The following GRM7 variants were observed in gnomAD, a reference collection of about 807,000 sequenced individuals.
GRM7 encodes glutamate metabotropic receptor 7.
Under a neutral mutation model 84.5 loss-of-function variants are expected in GRM7, and 35 were observed. The observed-to-expected ratio is 0.41, with a 90% confidence interval of 0.32 to 0.55. The LOEUF is 0.55. Among genes scored for constraint, GRM7 ranks in the 20% least tolerant of loss-of-function variants. The pLI, the probability that GRM7 is intolerant of heterozygous loss-of-function variation, is 0.19. For synonymous variants in GRM7, 487 were observed against 455.1 expected (o/e 1.07, Z -0.89); for missense variants, 1,003 against 1,194.6 (o/e 0.84, Z 2.36).
intron 4 of GRM7, among the ~76,000 whole-genome samples, chr3:7,330,432 ACTTC>A (rs1317145914): frequency 6.6e-6 from 1 of 152,024 alleles, no homozygotes; most frequent in Admixed American, 6.6e-5. Flanking sequence ...ATACAGGCTT[ACTTC>A]CTTTCTTTCC....
intron 1 of GRM7, among the ~76,000 whole-genome samples, chr3:7,083,176 C>G (rs1397412522): frequency 6.6e-6 from 1 of 152,014 alleles, no homozygotes; most frequent in Non-Finnish European, 1.5e-5. Context: ...TCACTGTTGC[C>G]TTAGTTTAGG....
intron 4 of GRM7, among the ~76,000 whole-genome samples, chr3:7,405,615 A>T (rs879828240): frequency 2.6e-5 from 4 of 152,308 alleles, no homozygotes; most frequent in Admixed American, 2.6e-4. Context: ...AGGTGTGTTT[A>T]GAAATAGGAA....
At chr3:7,246,902 A>T (rs1002646257) in intron 2 of GRM7, among the ~76,000 whole-genome samples, 1 of 152,186 alleles carries the variant, frequency 6.6e-6, no homozygotes, top group African/African-American at 2.4e-5. Context: ...TTACAGTACT[A>T]GATTTCAAAA....
Position 6,926,855 on chromosome 3 carries a change from C to T in GRM7, c.519+64948C>T, listed in dbSNP as rs189690846. 1.6e-4 allele frequency among the ~76,000 whole-genome samples: 24 copies of T among 152,252 alleles called. No individual in the cohort carries two copies. The East Asian group carries it at 2.9e-3, about 18-fold the overall frequency. On this transcript the variant is annotated intron_variant, in intron 1 of 9. Coordinates refer to ENST00000357716, the MANE Select transcript of GRM7 (RefSeq NM_000844.4). ...ATTTTCCGTTTTGTGAATAGAGTTG[C>T]GGCAAACATCTTTGTACAACATATT...
At chr3:6,932,450 A>T (rs1169781760) in intron 1 of GRM7, among the ~76,000 whole-genome samples, 1 of 152,180 alleles carries the variant, frequency 6.6e-6, no homozygotes, top group Non-Finnish European at 1.5e-5. Flanking sequence ...CATTTCTTAT[A>T]GTTTGGGGAC....
At chr3:7,060,726 C>A (rs1175764773) in intron 1 of GRM7, among the ~76,000 whole-genome samples, 2 of 140,854 alleles carry the variant, frequency 1.4e-5, no homozygotes, top group Non-Finnish European at 3.1e-5. Context: ...ATGCATGTTT[C>A]TTTAACGCCT....
chr3:7,459,530 G>A (rs1364477765), intron 6 of GRM7, among the ~76,000 whole-genome samples: 8 of 152,196 alleles, frequency 5.3e-5, no homozygotes, highest in Non-Finnish European at 1.0e-4. Context: ...CTCACAATTA[G>A]GGTGGAAGAC....
chr3:7,497,135 C>G (rs1699735010), intron 7 of GRM7, among the ~76,000 whole-genome samples: 1 of 151,942 alleles, frequency 6.6e-6, no homozygotes, highest in South Asian at 2.1e-4. Flanking sequence ...CATGAAGTGG[C>G]TCTCTTGGTC....
intron 1 of GRM7, among the ~76,000 whole-genome samples, chr3:6,930,002 A>T (rs552650693): frequency 6.6e-6 from 1 of 152,298 alleles, no homozygotes; most frequent in South Asian, 2.1e-4. Context: ...CCCAACCCAT[A>T]TGTGGCTGTG....
intron 1 of GRM7, among the ~76,000 whole-genome samples, chr3:7,025,069 G>C (rs1695929695): frequency 6.6e-6 from 1 of 152,068 alleles, no homozygotes; most frequent in South Asian, 2.1e-4. Context: ...TAGCTCATGG[G>C]CCTCTGTTTG....
chr3:6,954,176 G>A (rs1692919998), intron 1 of GRM7, among the ~76,000 whole-genome samples: 1 of 152,114 alleles, frequency 6.6e-6, no homozygotes, highest in African/African-American at 2.4e-5. Flanking sequence ...ATCAAGTCAG[G>A]ATATTCAGGG....
intron 1 of GRM7, among the ~76,000 whole-genome samples, chr3:6,979,096 A>G (rs1694103507): frequency 6.6e-6 from 1 of 152,166 alleles, no homozygotes; most frequent in East Asian, 1.9e-4. Flanking sequence ...TTCATTGATC[A>G]GTAAGTATCG....
intron 9 of GRM7, among the ~76,000 whole-genome samples, chr3:7,712,751 C>G (rs772912585): frequency 1.3e-5 from 2 of 151,984 alleles, no homozygotes; most frequent in Admixed American, 6.6e-5. Context: ...CCTGTGTTAC[C>G]TAAAGAAAGT....
intron 1 of GRM7, among the ~76,000 whole-genome samples, chr3:7,139,207 G>C (rs1437200517): frequency 6.6e-6 from 1 of 150,646 alleles, no homozygotes; most frequent in Non-Finnish European, 1.5e-5. Flanking sequence ...GAGAAAGAAA[G>C]AACACCACAG....
At chr3:7,397,886 CAG>C (rs1388537857) in intron 4 of GRM7, among the ~76,000 whole-genome samples, 1 of 152,026 alleles carries the variant, frequency 6.6e-6, no homozygotes, top group Non-Finnish European at 1.5e-5. Flanking sequence ...ATCCCCAGAA[CAG>C]AGTTTTCTGG....
At chr3:7,714,256 G>T (rs1476864533) in intron 9 of GRM7, among the ~76,000 whole-genome samples, 2 of 152,106 alleles carry the variant, frequency 1.3e-5, no homozygotes, top group African/African-American at 4.8e-5. Flanking sequence ...CTAGTAAAGA[G>T]TAGGACAACT....
At chr3:7,727,065 A>T (rs576316959) in intron 9 of GRM7, among the ~76,000 whole-genome samples, 1 of 152,188 alleles carries the variant, frequency 6.6e-6, no homozygotes, top group South Asian at 2.1e-4. Flanking sequence ...AGTTTTAATT[A>T]CAGAATACTC....
At chr3:7,698,899 A>T (rs1701118377) in intron 9 of GRM7, among the ~76,000 whole-genome samples, 2 of 152,156 alleles carry the variant, frequency 1.3e-5, no homozygotes, top group South Asian at 4.1e-4. Context: ...AGCTATGGGA[A>T]TGTACTCTAT....
rs1024695571 is a variant in GRM7, at chr3:6,863,337, A to G, written c.519+1430A>G. On this transcript the variant is annotated intron_variant, in intron 1 of 9. Coordinates refer to ENST00000357716, the MANE Select transcript of GRM7 (RefSeq NM_000844.4). This position sits in a 1 kb window ranked among gnomAD's most constrained non-coding sequence, Gnocchi z 4.8. Reference sequence around the variant, plus strand: ...TGGCACCTTTATGCTCCTCATATCTAGAGAACCGGCCCCTCTCAAGTGCTT... The same window carrying G: ...TGGCACCTTTATGCTCCTCATATCTGGAGAACCGGCCCCTCTCAAGTGCTT... Among the ~76,000 whole-genome samples the G allele has an allele frequency of 6.6e-6, 1 of 152,084 alleles. No homozygotes were observed. Among genetic ancestry groups the G allele is most frequent in the Non-Finnish European group, 1.5e-5 (1 of 68,018 alleles).
Sources: allele counts gnomAD v4.1 joint callset (sites outside exome capture counted in the v4.1 genomes callset), GRCh38; gene constraint gnomAD v4.1.1; non-coding constraint Gnocchi (gnomAD v3.1); transcripts MANE v1.5; gene names NCBI Gene and HGNC (gene_info 2026-07-23, HGNC 2026-07-21).